CADM2: variants seen among roughly 807,000 people sequenced by gnomAD.
CADM2 encodes the protein immunoglobulin superfamily member 4D.
In CADM2, 12 loss-of-function variants were observed where a neutral mutation model predicts 49.8. That is an observed-to-expected ratio of 0.24 (90% CI 0.15 to 0.39). The LOEUF (loss-of-function observed/expected upper bound fraction) is 0.39. Among genes scored for constraint, CADM2 ranks in the 10% least tolerant of loss-of-function variants. CADM2 has a pLI of 1.00. For synonymous variants in CADM2, 214 were observed against 175.4 expected, an observed-to-expected ratio of 1.22 and a Z score of -1.74; for missense variants, 378 against 492.3, an observed-to-expected ratio of 0.77 and a Z score of 2.20.
intron 1 of CADM2, among the ~76,000 whole-genome samples, chr3:85,203,291 A>G (rs962508176): frequency 1.7e-4 from 26 of 152,206 alleles, no homozygotes; most frequent in Admixed American, 3.9e-4. Context: ...ACAAATCTCA[A>G]TTTCATTTGA....
intron 1 of CADM2, among the ~76,000 whole-genome samples, chr3:85,177,410 G>T (rs908462166): frequency 4.6e-5 from 7 of 151,860 alleles, no homozygotes; most frequent in African/African-American, 1.7e-4. Context: ...TTTAGCGTTT[G>T]AAAGTTGGAA....
intron 1 of CADM2, among the ~76,000 whole-genome samples, chr3:85,165,492 C>A (rs952616337): frequency 9.2e-5 from 14 of 151,702 alleles, no homozygotes; most frequent in Admixed American, 9.2e-4. Context: ...GAAATAAATG[C>A]TTTTTCATAT....
chr3:85,552,133 A>T (rs188885195), intron 1 of CADM2, among the ~76,000 whole-genome samples: 12 of 152,226 alleles, frequency 7.9e-5, no homozygotes, highest in Admixed American at 7.2e-4. Context: ...AACTTTAGAG[A>T]TACAAAAGAC....
At chr3:85,669,831 CT>C (rs1223580016) in intron 1 of CADM2, among the ~76,000 whole-genome samples, 11 of 152,026 alleles carry the variant, frequency 7.2e-5, no homozygotes, top group Admixed American at 7.2e-4. Flanking sequence ...AATGCACACT[CT>C]TTTTTATGTA....
intron 1 of CADM2, among the ~76,000 whole-genome samples, chr3:85,442,632 A>ATATG (rs2037256995): frequency 7.5e-6 from 1 of 134,144 alleles, no homozygotes; most frequent in Admixed American, 7.6e-5. Context: ...ATATATATAT[A>ATATG]TGAATATTGC....
intron 8 of CADM2, among the ~76,000 whole-genome samples, chr3:86,040,250 TGA>T (rs1735699457): frequency 6.6e-6 from 1 of 152,092 alleles, no homozygotes; most frequent in South Asian, 2.1e-4. Context: ...TTTGAAGACC[TGA>T]GAGAAGAAGG....
intron 2 of CADM2, among the ~76,000 whole-genome samples, chr3:85,787,951 T>G (rs1016630405): frequency 2.0e-5 from 3 of 152,146 alleles, no homozygotes; most frequent in Admixed American, 2.0e-4. Flanking sequence ...ACTTTTGCAT[T>G]AGCTGATTTA....
chr3:86,018,042 A>C (rs868150704), intron 8 of CADM2, among the ~76,000 whole-genome samples: 183 of 105,546 alleles, frequency 1.7e-3, no homozygotes, highest in African/African-American at 6.0e-3. Flanking sequence ...CCCACCCCAC[A>C]ACAGTCCCCA....
intron 1 of CADM2, 169 bp from the exon 2 acceptor site, chr3:85,726,353 A>C: frequency 4.3e-6 from 3 of 696,224 alleles, no homozygotes; most frequent in Non-Finnish European, 7.5e-6. Context: ...TACTCATAAC[A>C]CTAACTAAAT....
intron 6 of CADM2, among the ~76,000 whole-genome samples, chr3:85,928,112 T>C (rs539349079): frequency 1.3e-4 from 20 of 152,232 alleles, no homozygotes; most frequent in African/African-American, 4.1e-4. Flanking sequence ...GAGCTATCCT[T>C]ACTTCCCAAG....
At chr3:84,968,450 G>C (rs1450807738) in intron 1 of CADM2, among the ~76,000 whole-genome samples, 2 of 152,046 alleles carry the variant, frequency 1.3e-5, no homozygotes, top group African/African-American at 2.4e-5. Flanking sequence ...GGGTCTGGCT[G>C]TAAGTTCACT....
intron 1 of CADM2, among the ~76,000 whole-genome samples, chr3:85,081,072 C>T (rs2037144444): frequency 6.6e-6 from 1 of 151,976 alleles, no homozygotes; most frequent in African/African-American, 2.4e-5. Flanking sequence ...TTCCAATAAT[C>T]CTAAATTCAT....
chr3:85,935,999 C>T, intron 7 of CADM2, 142 bp downstream of exon 7: 2 of 485,408 alleles, frequency 4.1e-6, no homozygotes, highest in Non-Finnish European at 7.6e-6. Flanking sequence ...CCTCATGAAC[C>T]ATGTCTTCAT....
chr3:85,924,750 C>T (rs920439403), intron 6 of CADM2, among the ~76,000 whole-genome samples: 2 of 152,114 alleles, frequency 1.3e-5, no homozygotes, highest in South Asian at 2.1e-4. Context: ...TTCTATGCCT[C>T]TCCTAGATAC....
chr3:85,942,844 A>T (rs1294781890), intron 7 of CADM2, among the ~76,000 whole-genome samples: 6 of 152,230 alleles, frequency 3.9e-5, no homozygotes, highest in African/African-American at 9.6e-5. Flanking sequence ...CTTTGGGTAT[A>T]TACCCAGTAA....
At chr3:85,382,811 G>A (rs140799118) in intron 1 of CADM2, among the ~76,000 whole-genome samples, 2 of 152,130 alleles carry the variant, frequency 1.3e-5, no homozygotes, top group East Asian at 3.9e-4. Context: ...AGAAAATGAA[G>A]AAATAGTGAA....
intron 1 of CADM2, among the ~76,000 whole-genome samples, chr3:85,261,399 G>A (rs1325712540): frequency 6.6e-6 from 1 of 152,164 alleles, no homozygotes; most frequent in Non-Finnish European, 1.5e-5. Context: ...CTTCCAAAGT[G>A]CTAGGATTAC....
At chr3:85,651,899 G>T (rs891733514) in intron 1 of CADM2, among the ~76,000 whole-genome samples, 2 of 148,814 alleles carry the variant, frequency 1.3e-5, no homozygotes, top group African/African-American at 5.0e-5. Flanking sequence ...CTCACTGCAA[G>T]CTCTGCCTCC....
intron 1 of CADM2, among the ~76,000 whole-genome samples, chr3:84,960,904 A>G (rs2030448118): frequency 6.6e-6 from 1 of 152,108 alleles, no homozygotes; most frequent in African/African-American, 2.4e-5. Context: ...GTAAGGCGGA[A>G]GATTGTTGCT....
Sources: allele counts gnomAD v4.1 joint callset (sites outside exome capture counted in the v4.1 genomes callset), GRCh38; gene constraint gnomAD v4.1.1; transcripts MANE v1.5; gene names NCBI Gene and HGNC (gene_info 2026-07-23, HGNC 2026-07-21).